ATP8A1: variants seen among roughly 807,000 people sequenced by gnomAD.
ATP8A1 encodes the protein ATPase phospholipid transporting 8A1.
A neutral mutation model predicts 177.7 loss-of-function variants in ATP8A1; 90 were observed. The observed-to-expected ratio is 0.51, with a 90% CI of 0.43 to 0.60. The LOEUF (loss-of-function observed/expected upper bound fraction) is 0.60, where lower values mean the gene tolerates loss of function less well. ATP8A1 is among the 20% of genes least tolerant of loss of function. The pLI, the probability that ATP8A1 is intolerant of heterozygous loss-of-function variation, is 0.00. For synonymous variants in ATP8A1, 493 were observed against 485.9 expected (o/e 1.01, Z -0.19); for missense variants, 1,072 against 1,392.8 (o/e 0.77, Z 3.67).
At chr4:42,461,248 CTT>C (rs1203816277) in intron 27 of ATP8A1, among the ~76,000 whole-genome samples, 5 of 75,056 alleles carry the variant, frequency 6.7e-5, no homozygotes, top group African/African-American at 3.6e-4. Flanking sequence ...TTTTTTCTTT[CTT>C]TTTTTTTTTT....
At chr4:42,546,690 T>A (rs1455167402) in intron 19 of ATP8A1, among the ~76,000 whole-genome samples, 1 of 151,986 alleles carries the variant, frequency 6.6e-6, no homozygotes, top group Non-Finnish European at 1.5e-5. Flanking sequence ...CACTCATCTA[T>A]CCCCTTCATT....
chr4:42,506,942 C>G, intron 23 of ATP8A1, 74 bp downstream of exon 23: 1 of 1,509,336 alleles, frequency 6.6e-7, no homozygotes, highest in Non-Finnish European at 9.0e-7. Context: ...CTTGAAATGT[C>G]TCAAATCCAT....
At chr4:42,420,022 A>AAC (rs200810841) in intron 35 of ATP8A1, among the ~76,000 whole-genome samples, 7 of 128,096 alleles carry the variant, frequency 5.5e-5, no homozygotes, top group Non-Finnish European at 8.4e-5. Context: ...CAAACAAACA[A>AAC]AAAAAAAAAA....
At chr4:42,554,550 C>G (rs1001071560) in intron 16 of ATP8A1, among the ~76,000 whole-genome samples, 12 of 152,158 alleles carry the variant, frequency 7.9e-5, no homozygotes, top group Middle Eastern at 3.2e-3. Flanking sequence ...TGATAGGGCC[C>G]CACTTGGGCA....
chr4:42,495,527 G>A (rs1723181872), intron 24 of ATP8A1, among the ~76,000 whole-genome samples: 1 of 152,022 alleles, frequency 6.6e-6, no homozygotes, highest in Non-Finnish European at 1.5e-5. Flanking sequence ...TCCCAGTCAG[G>A]ATCACTAGCT....
chr4:42,472,820 G>T (rs570257355), intron 25 of ATP8A1, among the ~76,000 whole-genome samples: 1 of 151,156 alleles, frequency 6.6e-6, no homozygotes, highest in South Asian at 2.1e-4. Context: ...ACATTAATTT[G>T]GATTGACCAA....
intron 4 of ATP8A1, among the ~76,000 whole-genome samples, chr4:42,622,607 C>A (rs1356701650): frequency 6.6e-6 from 1 of 152,092 alleles, no homozygotes. Flanking sequence ...AGTAAACAGA[C>A]AACTTACAGA....
At chr4:42,489,213 G>C (rs1046738208) in intron 24 of ATP8A1, among the ~76,000 whole-genome samples, 22 of 152,288 alleles carry the variant, frequency 1.4e-4, no homozygotes, top group African/African-American at 5.3e-4. Context: ...TGAAACCTGA[G>C]ACGGACCTCA....
intron 20 of ATP8A1, among the ~76,000 whole-genome samples, chr4:42,533,626 C>A (rs1441625066): frequency 1.3e-5 from 2 of 152,140 alleles, no homozygotes; most frequent in Non-Finnish European, 2.9e-5. Context: ...ACACCTACTG[C>A]CTGACCCTAG....
At chr4:42,492,161 T>C (rs1179150621) in intron 24 of ATP8A1, among the ~76,000 whole-genome samples, 5 of 152,194 alleles carry the variant, frequency 3.3e-5, no homozygotes, top group African/African-American at 1.2e-4. Context: ...TCTATACTTA[T>C]CTAAAGTATA....
intron 6 of ATP8A1, among the ~76,000 whole-genome samples, chr4:42,591,696 A>T (rs1734199646): frequency 6.6e-6 from 1 of 152,178 alleles, no homozygotes; most frequent in African/African-American, 2.4e-5. Context: ...ACATAAATGT[A>T]TTCATTATTT....
At chr4:42,620,550 CA>C (rs1318420938) in intron 4 of ATP8A1, among the ~76,000 whole-genome samples, 2 of 152,096 alleles carry the variant, frequency 1.3e-5, no homozygotes. Context: ...GGGAACAAAA[CA>C]AAGCAAAACA....
intron 3 of ATP8A1, 75 bp downstream of exon 3, chr4:42,625,539 C>T (rs1737971824): frequency 2.0e-6 from 2 of 977,474 alleles, no homozygotes; most frequent in East Asian, 5.6e-5. Flanking sequence ...TTTACATAAA[C>T]CTCAGGGGAT....
chr4:42,447,641 G>A (rs1350421606), intron 30 of ATP8A1, among the ~76,000 whole-genome samples: 1 of 152,202 alleles, frequency 6.6e-6, no homozygotes. Context: ...AGTGATGCAT[G>A]CACATATTCA....
chr4:42,512,480 G>A (rs552949418), intron 22 of ATP8A1, among the ~76,000 whole-genome samples: 1 of 152,280 alleles, frequency 6.6e-6, no homozygotes, highest in South Asian at 2.1e-4. Context: ...CTCCAAGCAG[G>A]TGCTTCTGGG....
intron 14 of ATP8A1, among the ~76,000 whole-genome samples, chr4:42,573,997 T>C (rs1185238375): frequency 6.6e-6 from 1 of 152,206 alleles, no homozygotes; most frequent in East Asian, 1.9e-4. Flanking sequence ...CTATAAAATA[T>C]TTTAAAGAGA....
rs367584032 is a variant in ATP8A1, at chr4:42,455,426, C to T, written c.2695-7G>A. The T allele has an allele frequency of 5.1e-5, 83 of 1,613,628 alleles. No individual in the cohort carries two copies. The highest frequency in any genetic ancestry group is 5.3e-5 in the Non-Finnish European group (63 of 1,179,764). ...GAGGCATTGCTGTAAACATCTAAAG[C>T]GCACAAACTGGTCATTATGTCAAGC... On this transcript the variant is annotated splice_region_variant and splice_polypyrimidine_tract_variant and intron_variant, in intron 28 of 36. Transcript: ENST00000381668.
intron 6 of ATP8A1, chr4:42,594,175 T>C (rs796198454): frequency 4.9e-5 from 29 of 586,998 alleles, no homozygotes; most frequent in African/African-American, 3.9e-4. Context: ...TAAAAATTAT[T>C]AGAGAGGTTT....
intron 1 of ATP8A1, among the ~76,000 whole-genome samples, chr4:42,652,274 C>T (rs1741170542): frequency 6.6e-6 from 1 of 152,178 alleles, no homozygotes; most frequent in South Asian, 2.1e-4. Flanking sequence ...ATGTGTTTCA[C>T]CAGCACCAGG....
Sources: gnomAD v4.1 joint callset for allele counts (sites outside exome capture counted in the v4.1 genomes callset) on GRCh38, gnomAD v4.1.1 for gene constraint, MANE v1.5 for transcripts, NCBI Gene and HGNC (gene_info 2026-07-23, HGNC 2026-07-21) for gene names.